AGBL4: variants seen among roughly 807,000 people sequenced by gnomAD.
The protein encoded by AGBL4 is cytosolic carboxypeptidase 6.
In AGBL4, 58 loss-of-function variants were observed where a neutral mutation model predicts 66.4. The observed-to-expected ratio is 0.87, with a 90% confidence interval of 0.71 to 1.09. The LOEUF (loss-of-function observed/expected upper bound fraction) is 1.09. Ranked by LOEUF, AGBL4 falls within the 50% of genes least tolerant of loss-of-function variation. AGBL4 has a pLI of 0.00. For synonymous variants in AGBL4, 234 were observed against 222.9 expected (o/e 1.05, Z -0.44); for missense variants, 579 against 631.0 (o/e 0.92, Z 0.88).
At chr1:49,280,268 C>T (rs1644248788) in intron 3 of AGBL4, among the ~76,000 whole-genome samples, 1 of 152,154 alleles carries the variant, frequency 6.6e-6, no homozygotes, top group Non-Finnish European at 1.5e-5. Flanking sequence ...AACCCCAGCC[C>T]CCATGTTCTC....
intron 12 of AGBL4, among the ~76,000 whole-genome samples, chr1:48,536,025 G>A (rs1643965303): frequency 6.6e-6 from 1 of 152,102 alleles, no homozygotes; most frequent in Non-Finnish European, 1.5e-5. Flanking sequence ...TAGAAGCCAT[G>A]ACAATACACC....
chr1:48,889,206 C>G (rs1472512432), intron 5 of AGBL4, among the ~76,000 whole-genome samples: 1 of 152,232 alleles, frequency 6.6e-6, no homozygotes, highest in African/African-American at 2.4e-5. Context: ...CCTGCCCCTC[C>G]AAGGCACAAT....
intron 3 of AGBL4, among the ~76,000 whole-genome samples, chr1:49,318,421 A>G (rs1570424064): frequency 6.6e-6 from 1 of 151,616 alleles, no homozygotes; most frequent in South Asian, 2.1e-4. Flanking sequence ...GATGATGATG[A>G]TGATGACGGC....
At chr1:48,712,487 G>C (rs962322458) in intron 6 of AGBL4, among the ~76,000 whole-genome samples, 1 of 152,162 alleles carries the variant, frequency 6.6e-6, no homozygotes, top group African/African-American at 2.4e-5. Context: ...TGAATTAAAA[G>C]TAATAATAAT....
chr1:49,363,743 T>C lies in AGBL4; in HGVS notation c.283-117879A>G, dbSNP rs377711403. On this transcript the variant is annotated intron_variant, in intron 3 of 13. Coordinates refer to ENST00000371839, the MANE Select transcript of AGBL4 (RefSeq NM_032785.4). ...CATTCTCTACAATGTTGGATAGAACTCTCCTGAACAATTATTCTCATTTAT... is the reference window on the plus strand; with the variant it reads ...CATTCTCTACAATGTTGGATAGAACCCTCCTGAACAATTATTCTCATTTAT... Among the ~76,000 whole-genome samples, 13 of 152,272 alleles carry C rather than the reference T, an allele frequency of 8.5e-5. 2 individuals carry two copies. In the East Asian group the frequency reaches 1.3e-3, roughly 16 times the overall value.
intron 4 of AGBL4, among the ~76,000 whole-genome samples, chr1:49,068,625 T>C (rs1273414527): frequency 2.6e-5 from 4 of 152,336 alleles, no homozygotes. Context: ...TTATCCAGTC[T>C]ATCATTGATA....
rs1026173401 is a variant in AGBL4, at chr1:48,778,407, C to T, written c.634+88784G>A. On this transcript the variant is annotated intron_variant, in intron 6 of 13. Coordinates refer to ENST00000371839, the MANE Select transcript of AGBL4 (RefSeq NM_032785.4). ...GAATAACATACCTTTCCCATCCTCA[C>T]AACCTTTACAATCTAGTCTAGGAGT... is the stretch of plus-strand genomic sequence containing the variant. Among the ~76,000 whole-genome samples, 6 of 152,184 alleles carry T rather than the reference C, an allele frequency of 3.9e-5. No homozygotes were observed. In the East Asian group the frequency reaches 1.2e-3, roughly 29 times the overall value.
Position 49,846,027 on chromosome 1 carries a change from T to C in AGBL4, c.157+5369A>G, listed in dbSNP as rs935787164. On this transcript the variant is annotated intron_variant, in intron 2 of 13. Coordinates refer to ENST00000371839, the MANE Select transcript of AGBL4 (RefSeq NM_032785.4). ...AAATGCAACCAGTGTGGCAGAGCCT[T>C]CAGTCAGCTTGCTCCCCTCATTCAG... is the stretch of plus-strand genomic sequence containing the variant. 35 of 1,593,532 alleles carry C rather than the reference T, an allele frequency of 2.2e-5. 2 individuals are homozygous for C. In the East Asian group the frequency reaches 5.4e-4, roughly 24 times the overall value.
In AGBL4 at chr1:49,100,691, T is replaced by C. The variant is rs566167604; in HGVS notation, c.378-54891A>G. ...CCTGAGTCTAGGGAGTCGGGCAATG[T>C]TCACAGGGTCAGGCAGGGCTCAACT... On this transcript the variant is annotated intron_variant, in intron 4 of 13. Transcript: ENST00000371839. 2.6e-5 allele frequency among the ~76,000 whole-genome samples: 4 copies of C among 152,256 alleles called. No individual in the cohort carries two copies. In the East Asian group the frequency reaches 7.7e-4, roughly 29 times the overall value.
At chr1:49,867,203 G>A (rs1351039005) in intron 1 of AGBL4, among the ~76,000 whole-genome samples, 5 of 151,962 alleles carry the variant, frequency 3.3e-5, no homozygotes, top group Admixed American at 6.5e-5. Flanking sequence ...TTTGGCATCC[G>A]TGGACTCTTT....
intron 2 of AGBL4, among the ~76,000 whole-genome samples, chr1:49,841,406 A>G (rs557203482): frequency 1.4e-3 from 211 of 152,358 alleles, no homozygotes; most frequent in South Asian, 7.0e-3. Context: ...TATCATTAAC[A>G]TGGCCATACT....
At position 49,687,788 on chromosome 1, in the gene AGBL4, A is replaced by T. The variant is rs866002717; in HGVS notation, c.282+9525T>A. ...AAAGCCTATCTAAAAAAAATAAAAA[A>T]AAAATTAAAAAAATACAAGTATGTT... On this transcript the variant is annotated intron_variant, in intron 3 of 13. Coordinates refer to ENST00000371839, the MANE Select transcript of AGBL4 (RefSeq NM_032785.4). Among the ~76,000 whole-genome samples the T allele has an allele frequency of 4.6e-5, 7 of 152,266 alleles. No individual in the cohort carries two copies. In the South Asian group the frequency reaches 6.2e-4, roughly 14 times the overall value.
chr1:49,697,128 A>G (rs1647000508), intron 3 of AGBL4, 185 bp downstream of exon 3: 1 of 541,512 alleles, frequency 1.8e-6, no homozygotes, highest in Non-Finnish European at 3.1e-6. Context: ...TTTAATAACC[A>G]TCAGATAACA....
At chr1:49,290,929 G>A (rs924424070) in intron 3 of AGBL4, among the ~76,000 whole-genome samples, 4 of 152,206 alleles carry the variant, frequency 2.6e-5, no homozygotes, top group Non-Finnish European at 5.9e-5. Flanking sequence ...AGGATAACTT[G>A]AGCCCAGGAG....
At chr1:50,023,044 A>G (rs1000890311) in intron 1 of AGBL4, among the ~76,000 whole-genome samples, 1 of 151,974 alleles carries the variant, frequency 6.6e-6, no homozygotes, top group East Asian at 1.9e-4. Context: ...AAGTGTGGAC[A>G]TGCACTCCTT....
intron 3 of AGBL4, among the ~76,000 whole-genome samples, chr1:49,682,332 A>T (rs888042455): frequency 2.0e-5 from 3 of 152,160 alleles, no homozygotes; most frequent in African/African-American, 7.2e-5. Flanking sequence ...TGAATCTGGG[A>T]GGTGGAGGTT....
chr1:49,796,853 CT>C (rs1644742670), intron 2 of AGBL4, among the ~76,000 whole-genome samples: 1 of 151,858 alleles, frequency 6.6e-6, no homozygotes, highest in Admixed American at 6.6e-5. Context: ...ATGGGTATAA[CT>C]TTCCAGTTAT....
chr1:49,649,627 TTATAATCACCATCAA>T (rs1342805794), intron 3 of AGBL4, among the ~76,000 whole-genome samples: 6 of 152,144 alleles, frequency 3.9e-5, no homozygotes, highest in Admixed American at 3.9e-4. Flanking sequence ...CCATAAATCA[TTATAATCACCATCAA>T]TATAATGGAC....
intron 2 of AGBL4, chr1:49,845,100 C>A: frequency 3.4e-6 from 5 of 1,461,480 alleles, no homozygotes; most frequent in Non-Finnish European, 4.8e-6. Flanking sequence ...GCAGAAAGGC[C>A]TTTAGTCACA....
Sources: allele counts gnomAD v4.1 joint callset (sites outside exome capture counted in the v4.1 genomes callset), GRCh38; gene constraint gnomAD v4.1.1; transcripts MANE v1.5; gene names NCBI Gene and HGNC (gene_info 2026-07-23, HGNC 2026-07-21).